Variants in RSPRY1 observed in about 807,000 individuals in gnomAD.
The protein encoded by RSPRY1 is RING finger and SPRY domain-containing protein 1.
In RSPRY1, 23 loss-of-function variants were observed where a neutral mutation model predicts 73.1. The ratio of observed to expected loss-of-function variants is 0.31; its 90% confidence interval spans 0.23 to 0.45. The LOEUF (loss-of-function observed/expected upper bound fraction) is 0.45. RSPRY1 is among the 20% of genes least tolerant of loss of function. The pLI is 1.00. For missense variants in RSPRY1, 448 were observed against 698.7 expected (o/e 0.64, Z 4.05); for synonymous variants, 226 against 251.4 (o/e 0.90, Z 0.95).
intron 11 of RSPRY1, 33 bp downstream of exon 11, chr16:57,227,486 T>A: frequency 6.8e-7 from 1 of 1,474,522 alleles, no homozygotes; most frequent in Non-Finnish European, 9.5e-7. Context: ...ATTTATCAAG[T>A]GGGTTAAGAC....
intron 1 of RSPRY1, among the ~76,000 whole-genome samples, chr16:57,190,087 G>C (rs1284103993): frequency 1.3e-5 from 2 of 152,100 alleles, no homozygotes; most frequent in Non-Finnish European, 2.9e-5. Context: ...GGAAGTTATG[G>C]CTGGGCATGG....
At chr16:57,226,212 T>C (rs1375984923) in intron 10 of RSPRY1, among the ~76,000 whole-genome samples, 1 of 152,178 alleles carries the variant, frequency 6.6e-6, no homozygotes, top group African/African-American at 2.4e-5. Context: ...AATATTTGGG[T>C]ATTTTGAAGT....
chr16:57,193,658 A>G (rs932458811), intron 1 of RSPRY1, among the ~76,000 whole-genome samples: 21 of 151,866 alleles, frequency 1.4e-4, no homozygotes, highest in African/African-American at 4.8e-4. Flanking sequence ...GTGCCTGGCT[A>G]ATTTTTGTAT....
intron 14 of RSPRY1, among the ~76,000 whole-genome samples, chr16:57,236,804 T>C (rs545728274): frequency 6.6e-6 from 1 of 152,256 alleles, no homozygotes; most frequent in South Asian, 2.1e-4. Flanking sequence ...AAATAAAATA[T>C]TAGAAAGTAA....
intron 14 of RSPRY1, among the ~76,000 whole-genome samples, chr16:57,236,324 C>T (rs2075299003): frequency 6.6e-6 from 1 of 152,120 alleles, no homozygotes. Flanking sequence ...AAATATAAAA[C>T]TTTAGAACTA....
At chr16:57,199,225 C>T (rs542788211) in intron 1 of RSPRY1, among the ~76,000 whole-genome samples, 5 of 152,212 alleles carry the variant, frequency 3.3e-5, no homozygotes, top group East Asian at 3.9e-4. Context: ...CTGGGCGCGG[C>T]GGTTGATGCC....
intron 4 of RSPRY1, 113 bp from the exon 5 acceptor site, chr16:57,212,859 C>A (rs921743739): frequency 2.8e-6 from 3 of 1,086,706 alleles, no homozygotes; most frequent in Non-Finnish European, 4.0e-6. Context: ...GTGGTCCGCC[C>A]GCCTCGGCCT....
Position 57,239,840 on chromosome 16 carries a change from T to G in RSPRY1, c.*865T>G, listed in dbSNP as rs1597946671. On this transcript the variant is annotated 3_prime_UTR_variant, in exon 15 of 15. Coordinates refer to ENST00000394420, the MANE Select transcript of RSPRY1 (RefSeq NM_133368.3). The stretch of plus-strand genomic sequence containing the variant: ...TTAAAAAAAATTTTTTTAATCAGTA[T>G]TGTTTTTACAAGTAATATACTTTGA... 6.6e-6 allele frequency: 1 copy of G among 152,306 alleles called. No individual in the cohort carries two copies. The highest frequency in any genetic ancestry group is 1.9e-4 in the East Asian group (1 of 5,192). The allele number at this position is 152,306 out of a possible 1,614,324, so 9.4% of individuals were successfully genotyped here.
chr16:57,188,259 A>C (rs945793898), intron 1 of RSPRY1, among the ~76,000 whole-genome samples: 1 of 151,768 alleles, frequency 6.6e-6, no homozygotes, highest in Non-Finnish European at 1.5e-5. Flanking sequence ...ATTGTAAGAG[A>C]CTTGTGTCCC....
At position 57,216,190 on chromosome 16, in the gene RSPRY1, C is replaced by G. The variant is rs775768863; in HGVS notation, c.769+17C>G. 1.9e-6 allele frequency: 3 copies of G among 1,569,340 alleles called. No homozygotes were observed. The highest frequency in any genetic ancestry group is 2.6e-6 in the Non-Finnish European group (3 of 1,140,974). ...CACAGACAAGTAGGTATAGTGACTT[C>G]TTGCACTAATGATCTTCTGTATTGG... On this transcript the variant is annotated intron_variant, in intron 7 of 14. Transcript: ENST00000394420.
chr16:57,234,299 G>A (rs1597934581), intron 13 of RSPRY1, among the ~76,000 whole-genome samples: 1 of 151,974 alleles, frequency 6.6e-6, no homozygotes, highest in Admixed American at 6.5e-5. Context: ...ACCTTTCCTG[G>A]CTGCCATATT....
At chr16:57,227,292 A>T in intron 10 of RSPRY1, 50 bp from the exon 11 acceptor site, 1 of 1,246,630 alleles carries the variant, frequency 8.0e-7, no homozygotes, top group African/African-American at 1.5e-5. Context: ...CTCTGTTCCC[A>T]GGTCAGAGCA....
chr16:57,212,730 T>A (rs573484990), intron 4 of RSPRY1, among the ~76,000 whole-genome samples: 1 of 152,140 alleles, frequency 6.6e-6, no homozygotes, highest in Non-Finnish European at 1.5e-5. Context: ...TTCTCCTGCC[T>A]AAGCCTCCTG....
At chr16:57,230,331 G>T (rs766846205) in intron 11 of RSPRY1, among the ~76,000 whole-genome samples, 6 of 152,134 alleles carry the variant, frequency 3.9e-5, no homozygotes, top group Non-Finnish European at 8.8e-5. Flanking sequence ...TTTTTTTAAA[G>T]AAAGGCATAT....
chr16:57,208,392 A>G (rs1191024570), intron 3 of RSPRY1, among the ~76,000 whole-genome samples: 2 of 88,964 alleles, frequency 2.2e-5, no homozygotes, highest in Non-Finnish European at 4.0e-5. Context: ...ATATATATAT[A>G]TATATATATT....
intron 1 of RSPRY1, among the ~76,000 whole-genome samples, chr16:57,195,157 A>G (rs957083720): frequency 6.6e-6 from 1 of 152,260 alleles, no homozygotes; most frequent in African/African-American, 2.4e-5. Context: ...CTTCAGAGAA[A>G]TAGATTTGCA....
In RSPRY1 at chr16:57,213,915, C is replaced by T. The variant is rs756740517; in HGVS notation, c.671C>T (p.Pro224Leu). ...CCTGCAAGTATAGGTTTACTTAGCC[C>T]AGGAATACTGGAATACTTGCTACAG... The part of the protein sequence containing the change: ...AGPASIGLLS[P>L]GILEYLLQCL... Residue 224 changes from proline to leucine, a missense_variant, in exon 6 of 15, where the codon CCA becomes CTA. By Grantham distance (98) the Pro-to-Leu change is moderately conservative (BLOSUM62 -3). Coordinates refer to ENST00000394420, the MANE Select transcript of RSPRY1 (RefSeq NM_133368.3). 6.2e-7 allele frequency: 1 copy of T among 1,609,290 alleles called. No homozygotes were observed. The highest frequency in any genetic ancestry group is 1.1e-5 in the South Asian group (1 of 90,990).
intron 10 of RSPRY1, among the ~76,000 whole-genome samples, chr16:57,222,728 A>G (rs1240680247): frequency 2.0e-5 from 3 of 152,266 alleles, no homozygotes; most frequent in Admixed American, 2.0e-4. Flanking sequence ...ATCTCAGAGA[A>G]TTAGCTAGTT....
At chr16:57,195,926 G>A (rs1232540725) in intron 1 of RSPRY1, among the ~76,000 whole-genome samples, 1 of 150,920 alleles carries the variant, frequency 6.6e-6, no homozygotes, top group Non-Finnish European at 1.5e-5. Context: ...GGAGGCTGAG[G>A]TAGGCGAATC....
Sources: gnomAD v4.1 joint callset for allele counts (sites outside exome capture counted in the v4.1 genomes callset) on GRCh38, gnomAD v4.1.1 for gene constraint, MANE v1.5 for transcripts, NCBI Gene and HGNC (gene_info 2026-07-23, HGNC 2026-07-21) for gene names.